The following CACNA1H variants were observed in gnomAD, a reference collection of about 807,000 sequenced individuals.
The protein encoded by CACNA1H is calcium voltage-gated channel subunit alpha1 H.
CACNA1H carries 149 observed loss-of-function variants against 192.5 expected under a neutral mutation model. The ratio of observed to expected loss-of-function variants is 0.77; its 90% CI spans 0.68 to 0.89. The LOEUF (loss-of-function observed/expected upper bound fraction) is 0.89. Ranked by LOEUF, CACNA1H falls within the 40% of genes least tolerant of loss-of-function variation. The pLI, the probability that CACNA1H is intolerant of heterozygous loss-of-function variation, is 0.00. For synonymous variants in CACNA1H, 2,202 were observed against 1,475.2 expected, an observed-to-expected ratio of 1.49 and a Z score of -11.29; for missense variants, 4,257 against 3,423.5, an observed-to-expected ratio of 1.24 and a Z score of -6.08.
chr16:1,220,849 C>G lies in CACNA1H; in HGVS notation c.6917C>G (p.Pro2306Arg). Residue 2306 changes from proline to arginine, a missense_variant, in exon 35 of 35, where the codon CCA (proline) becomes CGA (arginine). By Grantham distance (103) the Pro-to-Arg change is moderately radical. Transcript: ENST00000348261. ...GGGGCCATAGTGCCCCTGGAACCCC[C>G]AGAATCAGAGCCTCCCATGCCCGTC... Reference protein sequence around the residue: ...SSGAIVPLEPPESEPPMPVGD... With the variant: ...SSGAIVPLEPRESEPPMPVGD... 6.2e-7 allele frequency: 1 copy of G among 1,612,836 alleles called. No homozygotes were observed.
chr16:1,194,699 C>T (rs1013667478), intron 2 of CACNA1H, among the ~76,000 whole-genome samples: 1 of 152,288 alleles, frequency 6.6e-6, no homozygotes, highest in Admixed American at 6.5e-5. Context: ...AGGGCTCCTG[C>T]ACCCCGCTTT....
At chr16:1,160,135 G>A (rs1158307749) in intron 2 of CACNA1H, 2 of 152,274 alleles carry the variant, frequency 1.3e-5, no homozygotes, top group African/African-American at 4.8e-5. Flanking sequence ...CGTTACCTTT[G>A]TTTATGCAGA....
rs546973986 is a variant in CACNA1H, at chr16:1,164,230, C to T, written c.299+10194C>T. ...TGTCTTAGGGTGAGGGGTGTCCATGCATGTTTGAGACGGGCGGCAGTGTCG... is the reference window on the plus strand; with the variant it reads ...TGTCTTAGGGTGAGGGGTGTCCATGTATGTTTGAGACGGGCGGCAGTGTCG... On this transcript the variant is annotated intron_variant, in intron 2 of 34. Transcript: ENST00000348261. Among the ~76,000 whole-genome samples, 121 of 152,350 alleles carry T rather than the reference C, an allele frequency of 7.9e-4. 2 individuals carry two copies. Among genetic ancestry groups the T allele is most frequent in the Non-Finnish European group, 1.2e-3 (81 of 68,032 alleles).
rs193031209 is a variant in CACNA1H, at chr16:1,200,835, T to C, written c.1212+27T>C. On this transcript the variant is annotated intron_variant, in intron 8 of 34. Coordinates refer to ENST00000348261, the MANE Select transcript of CACNA1H (RefSeq NM_021098.3). Reference sequence around the variant, plus strand: ...TGAGTGTGGGCGGCAGTGTTCGCCATGATGGGCCCTGGTGTTAGCTGGCTG... The same window carrying C: ...TGAGTGTGGGCGGCAGTGTTCGCCACGATGGGCCCTGGTGTTAGCTGGCTG... The C allele has an allele frequency of 5.7e-5, 87 of 1,528,080 alleles. No homozygotes were observed. The African/African-American group carries it at 8.8e-4, about 16-fold the overall frequency. The allele number at this position is 1,528,080 out of a possible 1,614,324, so 94.7% of individuals were successfully genotyped here.
chr16:1,171,094 G>A (rs1175442300), intron 2 of CACNA1H, among the ~76,000 whole-genome samples: 6 of 152,134 alleles, frequency 3.9e-5, no homozygotes, highest in Admixed American at 3.3e-4. Flanking sequence ...CCACGGCCAG[G>A]CCTTTGTCCC....
At position 1,213,837 on chromosome 16, in the gene CACNA1H, C is replaced by T. The variant is rs370292995; in HGVS notation, c.4835C>T (p.Ser1612Leu). The change falls in exon 27 of 35, where the codon TCG (serine) becomes TTG (leucine). Residue 1612 changes from serine (S) to leucine (L), a missense_variant. Physicochemically the swap from Ser to Leu is moderately radical, Grantham distance 145. Coordinates refer to ENST00000348261, the MANE Select transcript of CACNA1H (RefSeq NM_021098.3). ...TCGCCCACGCGCCGCTCCATTCACT[C>T]GCTGTGCACCAGCCACTATCTCGAC... is the stretch of plus-strand genomic sequence containing the variant. ...DYSPTRRSIH[S>L]LCTSHYLDLF... 4.3e-5 allele frequency: 68 copies of T among 1,598,438 alleles called. No individual in the cohort carries two copies. Among genetic ancestry groups the T allele is most frequent in the African/African-American group, 6.7e-5 (5 of 74,864 alleles).
chr16:1,193,296 G>T (rs180719884), intron 2 of CACNA1H, among the ~76,000 whole-genome samples: 2 of 152,368 alleles, frequency 1.3e-5, no homozygotes, highest in East Asian at 3.9e-4. Flanking sequence ...CCCGAGGCTG[G>T]GGGCGGAGCC....
At chr16:1,202,801 G>A (rs371795424) in intron 9 of CACNA1H, among the ~76,000 whole-genome samples, 3 of 152,132 alleles carry the variant, frequency 2.0e-5, no homozygotes, top group Non-Finnish European at 2.9e-5. Flanking sequence ...CAGCCTGGAC[G>A]CTTCCCTGGA....
At chr16:1,179,193 C>T (rs1291922756) in intron 2 of CACNA1H, among the ~76,000 whole-genome samples, 1 of 152,220 alleles carries the variant, frequency 6.6e-6, no homozygotes, top group African/African-American at 2.4e-5. Context: ...GAGAGCTGTG[C>T]TTTTATCTGA....
intron 2 of CACNA1H, among the ~76,000 whole-genome samples, chr16:1,158,887 G>A (rs372691577): frequency 4.7e-5 from 7 of 149,132 alleles, no homozygotes; most frequent in Admixed American, 1.3e-4. Flanking sequence ...CAGGGCCCCC[G>A]CTCAGCCCGC....
At chr16:1,173,774 T>C (rs2369843) in intron 2 of CACNA1H, among the ~76,000 whole-genome samples, 16,848 of 152,310 alleles carry the variant, frequency 0.11, 2,618 homozygotes, top group African/African-American at 0.35. Flanking sequence ...AGAATTCCCC[T>C]ACTCCTGAAA....
chr16:1,218,070 T>A, intron 32 of CACNA1H, 30 bp downstream of exon 32: 1 of 1,589,250 alleles, frequency 6.3e-7, no homozygotes, highest in African/African-American at 1.3e-5. Flanking sequence ...CTCTGGCACC[T>A]GGCAGCCCCA....
At chr16:1,191,979 G>A (rs979448264) in intron 2 of CACNA1H, among the ~76,000 whole-genome samples, 49 of 152,258 alleles carry the variant, frequency 3.2e-4, no homozygotes, top group Admixed American at 1.1e-3. Context: ...TTCCATTGTC[G>A]CCAGGCTTAG....
At position 1,207,264 on chromosome 16, in the gene CACNA1H, C is replaced by T. The variant is rs1466431264; in HGVS notation, c.2908-11C>T. 6.3e-7 allele frequency: 1 copy of T among 1,598,894 alleles called. No individual in the cohort carries two copies. On this transcript the variant is annotated splice_polypyrimidine_tract_variant and intron_variant, in intron 13 of 34. Coordinates refer to ENST00000348261, the MANE Select transcript of CACNA1H (RefSeq NM_021098.3). ...TGGGGTGACCACCCCAGGCCCCCTGCTATCCCCCAGATCCTGACCCAGGAG... is the reference window on the plus strand; with the variant it reads ...TGGGGTGACCACCCCAGGCCCCCTGTTATCCCCCAGATCCTGACCCAGGAG...
chr16:1,210,212 G>A (rs2141336375), intron 18 of CACNA1H, 77 bp downstream of exon 18: 2 of 1,317,804 alleles, frequency 1.5e-6, no homozygotes, highest in East Asian at 2.5e-5. Context: ...CTCCTGGGTG[G>A]GGCTAGCACA....
Position 1,220,424 on chromosome 16 carries a change from G to C in CACNA1H, c.6492G>C (p.Glu2164Asp). 2.0e-5 allele frequency: 30 copies of C among 1,533,300 alleles called. No homozygotes were observed. Among genetic ancestry groups the C allele is most frequent in the Non-Finnish European group, 2.5e-5 (29 of 1,149,138 alleles). The allele number at this position is 1,533,300 out of a possible 1,614,324, so 95.0% of individuals were successfully genotyped here. Residue 2164 changes from glutamate to aspartate, a missense_variant, in exon 35 of 35, where the codon GAG (glutamate) becomes GAC (aspartate). Coordinates refer to ENST00000348261, the MANE Select transcript of CACNA1H (RefSeq NM_021098.3). The part of the protein sequence containing the change: ...WRPSAELGSG[E>D]PGEAKAWGPE... Reference sequence around the variant, plus strand: ...CCTCGGCGGAGCTGGGCAGCGGGGAGCCTGGGGAGGCGAAGGCCTGGGGCC... The same window carrying C: ...CCTCGGCGGAGCTGGGCAGCGGGGACCCTGGGGAGGCGAAGGCCTGGGGCC...
chr16:1,174,542 G>A (rs1457103947), intron 2 of CACNA1H, among the ~76,000 whole-genome samples: 2 of 152,070 alleles, frequency 1.3e-5, no homozygotes, highest in Non-Finnish European at 2.9e-5. Context: ...GAAGGATGGG[G>A]TCACTGTAGC....
Position 1,196,000 on chromosome 16 carries a change from TCCGCGCC to T in CACNA1H, c.621_627del (p.Arg208SerfsTer63). On this transcript the variant is annotated frameshift_variant, in exon 5 of 35. Transcript: ENST00000348261. LOFTEE classifies it high-confidence loss of function. ...AGGACCGTGCGGGTGCTGCGGCCCC[TCCGCGCC>T]ATCAACCGCGTGCCTAGTAAGTGAC... 6.2e-7 allele frequency: 1 copy of T among 1,612,836 alleles called. No individual in the cohort carries two copies. Among genetic ancestry groups the T allele is most frequent in the Non-Finnish European group, 8.5e-7 (1 of 1,179,736 alleles).
intron 2 of CACNA1H, among the ~76,000 whole-genome samples, chr16:1,179,143 G>A (rs75103160): frequency 1.3e-5 from 2 of 152,204 alleles, no homozygotes; most frequent in East Asian, 3.9e-4. Context: ...CCACAGCAGA[G>A]CCACCCCTGG....
Sources: allele counts gnomAD v4.1 joint callset (sites outside exome capture counted in the v4.1 genomes callset), GRCh38; gene constraint gnomAD v4.1.1; transcripts MANE v1.5; gene names NCBI Gene and HGNC (gene_info 2026-07-23, HGNC 2026-07-21).